Variants in GALC observed in about 807,000 individuals in gnomAD.
The protein encoded by GALC is galactosylceramidase.
A neutral mutation model predicts 91.8 loss-of-function variants in GALC; 77 were observed. The observed-to-expected ratio is 0.84, with a 90% CI of 0.70 to 1.01. The LOEUF (loss-of-function observed/expected upper bound fraction) is 1.01. Ranked by LOEUF, GALC falls within the 50% of genes least tolerant of loss-of-function variation. GALC has a pLI of 0.00. For synonymous variants in GALC, 357 were observed against 306.7 expected, an observed-to-expected ratio of 1.16 and a Z score of -1.71; for missense variants, 882 against 855.9, an observed-to-expected ratio of 1.03 and a Z score of -0.38.
chr14:87,978,224 T>C (rs1438080694), intron 6 of GALC, among the ~76,000 whole-genome samples: 1 of 152,196 alleles, frequency 6.6e-6, no homozygotes, highest in African/African-American at 2.4e-5. Flanking sequence ...GCTAATTTTA[T>C]ATTTTTAGTA....
rs761731174 is a variant in GALC, at chr14:87,945,718, C to G, written c.1505G>C (p.Ser502Thr). The change falls in exon 14 of 17, where the codon AGT becomes ACT. Residue 502 changes from serine (S) to threonine (T), a missense_variant. By Grantham distance (58) the Ser-to-Thr change is moderately conservative. Coordinates refer to ENST00000261304, the MANE Select transcript of GALC (RefSeq NM_000153.4). Reference sequence around the variant, plus strand: ...TTGATCAGCAAAGTTTGGAGCTTCACTAAAAAATGGGTAATCTGTTCAGAA... The same window carrying G: ...TTGATCAGCAAAGTTTGGAGCTTCAGTAAAAAATGGGTAATCTGTTCAGAA... The part of the protein sequence containing the change: ...DDFNVDYPFF[S>T]EAPNFADQTG... The G allele has an allele frequency of 1.2e-6, 2 of 1,610,558 alleles. No individual in the cohort carries two copies. Among genetic ancestry groups the G allele is most frequent in the South Asian group, 2.2e-5 (2 of 91,002 alleles).
intron 4 of GALC, 112 bp from the exon 5 acceptor site, chr14:87,984,645 C>T (rs184888830): frequency 1.2e-5 from 12 of 1,019,860 alleles, no homozygotes; most frequent in East Asian, 2.6e-5. Flanking sequence ...AAAACCAATA[C>T]AGATCTGACT....
intron 14 of GALC, among the ~76,000 whole-genome samples, chr14:87,942,673 G>A (rs1164040084): frequency 6.6e-6 from 1 of 151,990 alleles, no homozygotes; most frequent in Admixed American, 6.6e-5. Context: ...CTAGAATTAT[G>A]TGGCTTTTAC....
At chr14:87,935,374 T>C (rs1427506335) in intron 16 of GALC, among the ~76,000 whole-genome samples, 1 of 152,032 alleles carries the variant, frequency 6.6e-6, no homozygotes, top group African/African-American at 2.4e-5. Flanking sequence ...TAATTAACCT[T>C]AGTTTTTGTG....
chr14:87,940,053 G>C, intron 15 of GALC, 72 bp from the exon 16 acceptor site: 8 of 1,189,126 alleles, frequency 6.7e-6, no homozygotes, highest in Admixed American at 5.1e-5. Flanking sequence ...TAATTCAGTG[G>C]GGTTCTTGAG....
chr14:87,955,245 T>C (rs1885479957), intron 10 of GALC: 7 of 877,584 alleles, frequency 8.0e-6, no homozygotes, highest in Admixed American at 3.5e-5. Flanking sequence ...GAAGAAGTAC[T>C]GAAATGATTT....
intron 1 of GALC, among the ~76,000 whole-genome samples, chr14:87,989,067 A>G (rs1887089485): frequency 6.6e-6 from 1 of 152,250 alleles, no homozygotes; most frequent in African/African-American, 2.4e-5. Flanking sequence ...AAGGGTAGAC[A>G]GCGCAGGGAC....
At chr14:87,956,607 C>T (rs1234923780) in intron 10 of GALC, among the ~76,000 whole-genome samples, 2 of 135,362 alleles carry the variant, frequency 1.5e-5, no homozygotes, top group Non-Finnish European at 1.5e-5. Context: ...CACACACACA[C>T]ACACACACAC....
Position 87,933,107 on chromosome 14 carries a change from TAAG to T in GALC, c.*1622_*1624del, listed in dbSNP as rs1884429366. ...CATACAATGGAAAACTCTTCAGAAA[TAAG>T]AAGGAACAAACCACTGAATCACACA... is the stretch of plus-strand genomic sequence containing the variant. On this transcript the variant is annotated 3_prime_UTR_variant, in exon 17 of 17. Coordinates refer to ENST00000261304, the MANE Select transcript of GALC (RefSeq NM_000153.4). 1 of 152,162 alleles carries T rather than the reference TAAG, an allele frequency of 6.6e-6. No homozygotes were observed. The highest frequency in any genetic ancestry group is 2.4e-5 in the African/African-American group (1 of 41,518). 9.4% of individuals were successfully genotyped at this position (152,162 alleles called of 1,614,324 possible).
chr14:87,963,340 T>C, intron 10 of GALC, 44 bp downstream of exon 10: 2 of 1,585,126 alleles, frequency 1.3e-6, no homozygotes, highest in Non-Finnish European at 1.7e-6. Context: ...ATTTTTCCAA[T>C]AGTAAAGAAG....
At chr14:87,938,118 C>G (rs1015801992) in intron 16 of GALC, among the ~76,000 whole-genome samples, 1 of 151,938 alleles carries the variant, frequency 6.6e-6, no homozygotes. Flanking sequence ...CATTCATTTA[C>G]CAAGTATTAT....
In GALC at chr14:87,974,093, T is replaced by C. The variant is rs72629377; in HGVS notation, c.752+2265A>G. Among the ~76,000 whole-genome samples, 1,232 of 152,232 alleles carry C rather than the reference T, an allele frequency of 8.1e-3. 53 individuals carry two copies. In the East Asian group the frequency reaches 0.12, roughly 15 times the overall value. ...AATAACAAAAGACAATATAGTAGTATAGAAAACACAAACATCAGTTATATT... is the reference window on the plus strand; with the variant it reads ...AATAACAAAAGACAATATAGTAGTACAGAAAACACAAACATCAGTTATATT... On this transcript the variant is annotated intron_variant, in intron 7 of 16. Coordinates refer to ENST00000261304, the MANE Select transcript of GALC (RefSeq NM_000153.4).
At chr14:87,969,844 G>A (rs1886211878) in intron 7 of GALC, among the ~76,000 whole-genome samples, 1 of 152,110 alleles carries the variant, frequency 6.6e-6, no homozygotes, top group Admixed American at 6.5e-5. Context: ...AGGATTTCAT[G>A]AGTAAGAAAA....
At chr14:87,972,104 G>C (rs4904408) in intron 7 of GALC, among the ~76,000 whole-genome samples, 73,165 of 151,832 alleles carry the variant, frequency 0.48, 18,435 homozygotes, top group East Asian at 0.75. Context: ...GAACAAAATT[G>C]CAATAGCCCA....
At chr14:87,980,470 CTTTCATGACTTGTT>C (rs1886693059) in intron 6 of GALC, 1 of 978,638 alleles carries the variant, frequency 1.0e-6, no homozygotes, top group Admixed American at 6.2e-5. Flanking sequence ...TCTAATCCAT[CTTTCATGACTTGTT>C]TTTCCCCCAT....
rs1439853845 is a variant in GALC at position 87,976,444 on chromosome 14, T to A, written c.666A>T (p.Lys222Asn). ...CCCAGAGATTATCACTTGCTATGAT[T>A]TTCACTCGCTGGAGACCTTGATAAT... ...MLNYQGLQRV[K>N]IIASDNLWES... Residue 222 changes from lysine (K) to asparagine (N), a missense_variant, in exon 7 of 17, where the codon AAA (lysine) becomes AAT (asparagine). Physicochemically the swap from Lys to Asn is moderately conservative, Grantham distance 94 (BLOSUM62 0). Transcript: ENST00000261304. The A allele has an allele frequency of 6.2e-7, 1 of 1,613,538 alleles. No homozygotes were observed. The highest frequency in any genetic ancestry group is 8.5e-7 in the Non-Finnish European group (1 of 1,179,558).
chr14:87,964,854 CATCT>C (rs747015174), intron 9 of GALC, among the ~76,000 whole-genome samples: 2 of 152,078 alleles, frequency 1.3e-5, no homozygotes, highest in Non-Finnish European at 2.9e-5. Flanking sequence ...TAACATCTAC[CATCT>C]ATCTGCCAGG....
chr14:87,983,539 T>C (rs1595235101), intron 5 of GALC, among the ~76,000 whole-genome samples: 1 of 152,214 alleles, frequency 6.6e-6, no homozygotes, highest in East Asian at 1.9e-4. Flanking sequence ...AATATTACAG[T>C]CACAGTTCCT....
At chr14:87,962,638 C>A (rs1885858212) in intron 10 of GALC, among the ~76,000 whole-genome samples, 1 of 150,250 alleles carries the variant, frequency 6.7e-6, no homozygotes, top group Non-Finnish European at 1.5e-5. Context: ...TTTTTTAAGG[C>A]TACTCTGTTC....
Sources: allele counts gnomAD v4.1 joint callset (sites outside exome capture counted in the v4.1 genomes callset), GRCh38; gene constraint gnomAD v4.1.1; transcripts MANE v1.5; gene names NCBI Gene and HGNC (gene_info 2026-07-23, HGNC 2026-07-21).